Variants in TMEM131L observed in about 807,000 individuals in gnomAD.
The protein encoded by TMEM131L is transmembrane 131 like.
TMEM131L carries 54 observed loss-of-function variants against 192.2 expected under a neutral mutation model. That is an observed-to-expected ratio of 0.28 (90% CI 0.23 to 0.35). The LOEUF is 0.35. Among genes scored for constraint, TMEM131L ranks in the 10% least tolerant of loss-of-function variants. TMEM131L has a pLI of 1.00. For synonymous variants in TMEM131L, 701 were observed against 704.9 expected (o/e 0.99, Z 0.09); for missense variants, 1,888 against 1,972.9 (o/e 0.96, Z 0.82).
In TMEM131L at chr4:153,625,450, A is replaced by G. The variant is rs72952872; in HGVS notation, c.4046-697A>G. Among the ~76,000 whole-genome samples, 457 of 152,230 alleles carry G rather than the reference A, an allele frequency of 3.0e-3. 6 individuals are homozygous for G. The highest frequency in any genetic ancestry group is 0.01 in the African/African-American group (433 of 41,544). ...TACAAGTGTGTCTTTTGCTTGAGGG[A>G]AAGGCTAACATTAGTAGAATGATGA... is the stretch of plus-strand genomic sequence containing the variant. On this transcript the variant is annotated intron_variant, in intron 29 of 34. Transcript: ENST00000409959.
chr4:153,506,843 CAAA>C (rs369133768), intron 3 of TMEM131L, among the ~76,000 whole-genome samples: 4,413 of 88,214 alleles, frequency 0.05, 221 homozygotes, highest in African/African-American at 0.13. Flanking sequence ...ACTCTGTATC[CAAA>C]AAAAAAAAAA....
intron 3 of TMEM131L, among the ~76,000 whole-genome samples, chr4:153,512,694 A>G (rs1163899957): frequency 6.6e-6 from 1 of 151,988 alleles, no homozygotes; most frequent in Non-Finnish European, 1.5e-5. Context: ...GCTCACTGAA[A>G]CCTCCGCCTC....
Position 153,566,041 on chromosome 4 carries a change from TTGTC to T in TMEM131L, c.660+7676_660+7679del, listed in dbSNP as rs1389465493. On this transcript the variant is annotated intron_variant, in intron 7 of 34. Transcript: ENST00000409959. The stretch of plus-strand genomic sequence containing the variant: ...CATTTAGGATCATTAGCCATATACT[TTGTC>T]TGAAAGATTGAAAAGAACTTAAATT... Among the ~76,000 whole-genome samples, 5 of 152,228 alleles carry T rather than the reference TTGTC, an allele frequency of 3.3e-5. No homozygotes were observed. The East Asian group carries it at 7.7e-4, about 23-fold the overall frequency.
At chr4:153,470,782 C>T (rs1026532279) in intron 2 of TMEM131L, among the ~76,000 whole-genome samples, 3 of 152,224 alleles carry the variant, frequency 2.0e-5, no homozygotes, top group African/African-American at 7.2e-5. Context: ...CTCTGTCCTG[C>T]AGGGCCTTCC....
chr4:153,532,302 TGAGCTTGTGTA>T (rs774525455), intron 3 of TMEM131L, among the ~76,000 whole-genome samples: 1 of 152,196 alleles, frequency 6.6e-6, no homozygotes, highest in Non-Finnish European at 1.5e-5. Context: ...AGAAAGGGAA[TGAGCTTGTGTA>T]GAGCTTGTAT....
chr4:153,537,970 T>C (rs1736468711), intron 3 of TMEM131L, among the ~76,000 whole-genome samples: 1 of 152,202 alleles, frequency 6.6e-6, no homozygotes, highest in East Asian at 1.9e-4. Flanking sequence ...TTGCAAGAAC[T>C]CTGCAGTTTC....
chr4:153,533,289 T>C (rs1013454839), intron 3 of TMEM131L, among the ~76,000 whole-genome samples: 2 of 152,122 alleles, frequency 1.3e-5, no homozygotes, highest in African/African-American at 2.4e-5. Flanking sequence ...CCAGCCTCCT[T>C]CTTAATTCTT....
chr4:153,588,835 C>T, intron 15 of TMEM131L, 55 bp from the exon 16 acceptor site: 1 of 936,900 alleles, frequency 1.1e-6, no homozygotes, highest in East Asian at 2.4e-5. Flanking sequence ...GCATTATTTA[C>T]TAATTGAATT....
At chr4:153,476,024 T>A (rs2149758982) in intron 3 of TMEM131L, among the ~76,000 whole-genome samples, 1 of 151,868 alleles carries the variant, frequency 6.6e-6, no homozygotes, top group Admixed American at 6.6e-5. Flanking sequence ...AGTGGTGTGA[T>A]CTCGGCCTAC....
intron 4 of TMEM131L, among the ~76,000 whole-genome samples, chr4:153,550,616 A>C (rs538770734): frequency 6.6e-6 from 1 of 151,968 alleles, no homozygotes; most frequent in Non-Finnish European, 1.5e-5. Context: ...GCGAGCCACC[A>C]CTCCTGGCCT....
intron 26 of TMEM131L, among the ~76,000 whole-genome samples, chr4:153,614,185 G>C (rs995022152): frequency 1.3e-5 from 2 of 152,202 alleles, no homozygotes; most frequent in African/African-American, 4.8e-5. Context: ...GGAGCCATCC[G>C]ACTTGGAAGA....
chr4:153,466,536 G>T lies in TMEM131L; in HGVS notation c.124+15G>T, dbSNP rs1730756471. On this transcript the variant is annotated intron_variant, in intron 1 of 34. Transcript: ENST00000409959. ...TCAGGGACAAGGTCAGCCTTGCGCC[G>T]CTGGGCTCGCTCTGCCTCTCCACCC... The T allele has an allele frequency of 1.5e-6, 2 of 1,323,036 alleles. No homozygotes were observed. The highest frequency in any genetic ancestry group is 3.1e-5 in the East Asian group (1 of 32,520). 82.0% of individuals were successfully genotyped at this position (1,323,036 alleles called of 1,614,324 possible). A position where few individuals can be genotyped will look rare whatever the true frequency, so the allele number is the denominator to read the frequency against.
intron 29 of TMEM131L, among the ~76,000 whole-genome samples, chr4:153,623,984 T>C (rs1733640612): frequency 6.6e-6 from 1 of 152,172 alleles, no homozygotes; most frequent in South Asian, 2.1e-4. Flanking sequence ...TGGGTACTTT[T>C]AGTCCATTTT....
intron 12 of TMEM131L, 66 bp from the exon 13 acceptor site, chr4:153,585,387 TAGAGG>T: frequency 1.4e-6 from 2 of 1,449,260 alleles, no homozygotes; most frequent in South Asian, 1.2e-5. Flanking sequence ...TTTTTGCAAT[TAGAGG>T]CTCATAAGAG....
At chr4:153,590,624 A>G (rs1731000532) in intron 16 of TMEM131L, among the ~76,000 whole-genome samples, 1 of 152,214 alleles carries the variant, frequency 6.6e-6, no homozygotes, top group Non-Finnish European at 1.5e-5. Flanking sequence ...TGGCTGCAAA[A>G]TGATGTTTCT....
chr4:153,466,649 C>A, intron 1 of TMEM131L, 128 bp downstream of exon 1: 2 of 924,240 alleles, frequency 2.2e-6, no homozygotes, highest in Non-Finnish European at 2.8e-6. Context: ...GGAAGGAAAG[C>A]TGTTGCGATT....
intron 7 of TMEM131L, among the ~76,000 whole-genome samples, chr4:153,579,331 C>A (rs890442323): frequency 1.3e-5 from 2 of 151,924 alleles, no homozygotes; most frequent in African/African-American, 4.8e-5. Flanking sequence ...GAGACCCTGT[C>A]TCAAAAAACA....
At chr4:153,470,786 G>A (rs532679171) in intron 2 of TMEM131L, among the ~76,000 whole-genome samples, 2 of 152,280 alleles carry the variant, frequency 1.3e-5, no homozygotes, top group Admixed American at 1.3e-4. Context: ...GTCCTGCAGG[G>A]CCTTCCGTGT....
chr4:153,612,104 A>G, intron 25 of TMEM131L, 148 bp from the exon 26 acceptor site: 1 of 521,622 alleles, frequency 1.9e-6, no homozygotes, highest in Non-Finnish European at 3.2e-6. Context: ...GAACAAAATA[A>G]ATTTCTAGAG....
Sources: gnomAD v4.1 joint callset for allele counts (sites outside exome capture counted in the v4.1 genomes callset) on GRCh38, gnomAD v4.1.1 for gene constraint, MANE v1.5 for transcripts, NCBI Gene and HGNC (gene_info 2026-07-23, HGNC 2026-07-21) for gene names.